The following PTBP2 variants were observed in gnomAD, a reference collection of about 807,000 sequenced individuals.
The protein encoded by PTBP2 is polypyrimidine tract-binding protein 2.
Under a neutral mutation model 61.4 loss-of-function variants are expected in PTBP2, and 13 were observed. That is an observed-to-expected ratio of 0.21 (90% CI 0.14 to 0.34). The LOEUF (loss-of-function observed/expected upper bound fraction) is 0.34. PTBP2 is among the 10% of genes least tolerant of loss of function. The pLI is 1.00. For synonymous variants in PTBP2, 215 were observed against 218.5 expected, an observed-to-expected ratio of 0.98 and a Z score of 0.14; for missense variants, 405 against 642.6, an observed-to-expected ratio of 0.63 and a Z score of 4.00.
intron 2 of PTBP2, chr1:96,749,620 G>A (rs1347837065): frequency 8.8e-6 from 4 of 455,690 alleles, no homozygotes; most frequent in Non-Finnish European, 1.8e-5. Context: ...TTTGTATGTG[G>A]AGTAACTTGA....
At chr1:96,769,075 T>C (rs1657082202) in intron 3 of PTBP2, among the ~76,000 whole-genome samples, 1 of 152,010 alleles carries the variant, frequency 6.6e-6, no homozygotes, top group Non-Finnish European at 1.5e-5. Flanking sequence ...TTGGGGATAG[T>C]GATGAGGATA....
rs1334997359 is a variant in PTBP2 at position 96,760,145 on chromosome 1, A to G, written c.115+8645A>G. 1.3e-4 allele frequency among the ~76,000 whole-genome samples: 20 copies of G among 152,166 alleles called. No individual in the cohort carries two copies. The East Asian group carries it at 2.3e-3, about 18-fold the overall frequency. On this transcript the variant is annotated intron_variant, in intron 3 of 13. Transcript: ENST00000674951. ...GGGACACAGCCAAACCATATCAATG[A>G]CAAAGGACTTGTATCCCAAAGGACT...
intron 3 of PTBP2, among the ~76,000 whole-genome samples, chr1:96,759,260 T>C (rs991443868): frequency 1.3e-5 from 2 of 152,216 alleles, no homozygotes; most frequent in Non-Finnish European, 2.9e-5. Flanking sequence ...GAGTACATTC[T>C]AAAATTTATG....
chr1:96,743,025 G>A (rs777206357), intron 2 of PTBP2, among the ~76,000 whole-genome samples: 2 of 152,036 alleles, frequency 1.3e-5, no homozygotes, highest in Non-Finnish European at 2.9e-5. Flanking sequence ...GGTGGCTCAC[G>A]CCTGTAATCC....
intron 1 of PTBP2, among the ~76,000 whole-genome samples, chr1:96,723,046 C>T (rs1570668854): frequency 6.6e-6 from 1 of 152,072 alleles, no homozygotes; most frequent in South Asian, 2.1e-4. Flanking sequence ...TTAAAAGGTA[C>T]TAAAAACAAG....
intron 2 of PTBP2, among the ~76,000 whole-genome samples, chr1:96,730,149 A>AT (rs1273583156): frequency 1.3e-5 from 2 of 151,682 alleles, no homozygotes; most frequent in Non-Finnish European, 1.5e-5. Flanking sequence ...AAGTTTATTG[A>AT]TTTTATTAAT....
intron 2 of PTBP2, among the ~76,000 whole-genome samples, chr1:96,724,586 C>T (rs964646435): frequency 6.6e-6 from 1 of 151,638 alleles, no homozygotes; most frequent in South Asian, 2.1e-4. Context: ...TTTTCATTTG[C>T]AAGCCTCTCT....
At chr1:96,753,140 A>G (rs1317301159) in intron 3 of PTBP2, among the ~76,000 whole-genome samples, 2 of 152,172 alleles carry the variant, frequency 1.3e-5, no homozygotes, top group African/African-American at 4.8e-5. Context: ...GTTTTGGATA[A>G]TGACTTGGTT....
chr1:96,724,573 C>A (rs1354154466), intron 2 of PTBP2, among the ~76,000 whole-genome samples: 1 of 151,766 alleles, frequency 6.6e-6, no homozygotes, highest in African/African-American at 2.4e-5. Context: ...CCTGTATTGT[C>A]ATTTTTCATT....
chr1:96,745,521 T>C (rs923271943), intron 2 of PTBP2, among the ~76,000 whole-genome samples: 4 of 152,166 alleles, frequency 2.6e-5, no homozygotes, highest in Non-Finnish European at 5.9e-5. Context: ...GCCACAACTT[T>C]TGCCTTATTT....
chr1:96,762,011 CCCTGAGTGGA>C (rs1655943498), intron 3 of PTBP2, among the ~76,000 whole-genome samples: 6 of 151,088 alleles, frequency 4.0e-5, no homozygotes, highest in Admixed American at 3.3e-4. Flanking sequence ...ATCCATTTAA[CCCTGAGTGGA>C]CACAGCACAT....
At chr1:96,809,994 T>C (rs1045292542) in intron 11 of PTBP2, among the ~76,000 whole-genome samples, 8 of 152,086 alleles carry the variant, frequency 5.3e-5, no homozygotes, top group African/African-American at 1.9e-4. Flanking sequence ...TAAAGATTGA[T>C]TAAAAAATGA....
chr1:96,795,541 T>C (rs1422229124), intron 8 of PTBP2, among the ~76,000 whole-genome samples: 1 of 152,152 alleles, frequency 6.6e-6, no homozygotes, highest in African/African-American at 2.4e-5. Flanking sequence ...GATTAAAGCA[T>C]TGTAATTAAA....
chr1:96,732,800 G>A (rs886417856), intron 2 of PTBP2, among the ~76,000 whole-genome samples: 9 of 152,116 alleles, frequency 5.9e-5, no homozygotes, highest in African/African-American at 2.2e-4. Context: ...TGTGTCTATA[G>A]GTTGGCATAA....
intron 2 of PTBP2, among the ~76,000 whole-genome samples, chr1:96,735,582 A>G (rs906948126): frequency 7.0e-6 from 1 of 142,016 alleles, no homozygotes; most frequent in African/African-American, 2.4e-5. Flanking sequence ...TGGAAGGAAC[A>G]CTTTTATGGA....
intron 3 of PTBP2, among the ~76,000 whole-genome samples, chr1:96,762,528 C>T (rs1285452093): frequency 1.4e-5 from 2 of 144,854 alleles, no homozygotes; most frequent in East Asian, 4.3e-4. Context: ...GACGGGGCGG[C>T]TGGCCGGGCT....
intron 2 of PTBP2, among the ~76,000 whole-genome samples, chr1:96,741,153 T>C (rs1443930245): frequency 6.6e-6 from 1 of 151,266 alleles, no homozygotes; most frequent in Non-Finnish European, 1.5e-5. Context: ...TAATTTGCAT[T>C]CCCTATTAAT....
At chr1:96,762,745 G>C (rs1656124123) in intron 3 of PTBP2, among the ~76,000 whole-genome samples, 1 of 151,968 alleles carries the variant, frequency 6.6e-6, no homozygotes, top group Admixed American at 6.5e-5. Context: ...TCCCAGACGG[G>C]GTGACTGCCG....
intron 2 of PTBP2, among the ~76,000 whole-genome samples, chr1:96,730,915 A>G (rs946055167): frequency 4.6e-5 from 7 of 152,204 alleles, no homozygotes; most frequent in Admixed American, 1.3e-4. Flanking sequence ...TTGAAAAGCA[A>G]TTATTCTGTA....
Sources: gnomAD v4.1 joint callset for allele counts (sites outside exome capture counted in the v4.1 genomes callset) on GRCh38, gnomAD v4.1.1 for gene constraint, MANE v1.5 for transcripts, NCBI Gene and HGNC (gene_info 2026-07-23, HGNC 2026-07-21) for gene names.